Variants in TTC6 observed in about 807,000 individuals in gnomAD.
TTC6 encodes tetratricopeptide repeat domain 6, also known as tetratricopeptide repeat protein 6.
A neutral mutation model predicts 210.4 loss-of-function variants in TTC6; 172 were observed. That is an observed-to-expected ratio of 0.82 (90% CI 0.72 to 0.93). The LOEUF (loss-of-function observed/expected upper bound fraction) is 0.93. Ranked by LOEUF, TTC6 falls within the 40% of genes least tolerant of loss-of-function variation. TTC6 has a pLI of 0.00. For synonymous variants in TTC6, 804 were observed against 819.6 expected, an observed-to-expected ratio of 0.98 and a Z score of 0.32; for missense variants, 2,414 against 2,318.1, an observed-to-expected ratio of 1.04 and a Z score of -0.85.
intron 29 of TTC6, among the ~76,000 whole-genome samples, chr14:37,831,743 A>T (rs1409189158): frequency 1.2e-5 from 1 of 84,374 alleles, no homozygotes; most frequent in Non-Finnish European, 2.5e-5. Flanking sequence ...GCCGTCTGTT[A>T]TGTCTTTTCA....
At chr14:37,675,501 T>C (rs2095767147) in intron 1 of TTC6, among the ~76,000 whole-genome samples, 1 of 152,146 alleles carries the variant, frequency 6.6e-6, no homozygotes, top group Non-Finnish European at 1.5e-5. Context: ...TTGTTTCTAC[T>C]TTTTGTCTAT....
chr14:37,620,264 C>A (rs945115530), upstream of TTC6, among the ~76,000 whole-genome samples: 1 of 152,038 alleles, frequency 6.6e-6, no homozygotes, highest in Non-Finnish European at 1.5e-5. Context: ...TATTAGAGTT[C>A]TAGTGTCTGT....
At chr14:37,729,576 G>T (rs74045692) in intron 7 of TTC6, among the ~76,000 whole-genome samples, 2,094 of 152,248 alleles carry the variant, frequency 0.014, 64 homozygotes, top group African/African-American at 0.048. Flanking sequence ...TTGGCTCAGG[G>T]ACTTTTCATC....
chr14:37,682,379 A>G (rs2095785798), intron 2 of TTC6, among the ~76,000 whole-genome samples: 1 of 152,110 alleles, frequency 6.6e-6, no homozygotes, highest in Non-Finnish European at 1.5e-5. Flanking sequence ...TGATATGGAA[A>G]AAAAAAAGAA....
chr14:37,628,833 A>G (rs1030093954), intron 1 of TTC6, among the ~76,000 whole-genome samples: 2 of 152,224 alleles, frequency 1.3e-5, no homozygotes, highest in African/African-American at 4.8e-5. Context: ...ATGGCTAGCC[A>G]GTTTTCCCAA....
chr14:37,629,165 G>A (rs781654754), intron 1 of TTC6, among the ~76,000 whole-genome samples: 1 of 152,034 alleles, frequency 6.6e-6, no homozygotes, highest in South Asian at 2.1e-4. Context: ...AGCTTGATGG[G>A]GATAGCATTG....
chr14:37,827,581 ATTTT>A lies in TTC6; in HGVS notation c.5298+219_5298+222del, dbSNP rs763183146. Among the ~76,000 whole-genome samples, 118 of 152,034 alleles carry A rather than the reference ATTTT, an allele frequency of 7.8e-4. 1 individual carries two copies. Among genetic ancestry groups the A allele is most frequent in the Non-Finnish European group, 1.2e-3 (80 of 67,942 alleles). On this transcript the variant is annotated intron_variant, in intron 29 of 30. Coordinates refer to ENST00000553443, the Ensembl canonical transcript of TTC6. ...ATTCTCCTCATTAACACTTGTAAAC[ATTTT>A]TTTCTTTCATATTTTATCATAATAA...
chr14:37,647,046 A>G (rs1273095016), intron 1 of TTC6, among the ~76,000 whole-genome samples: 1 of 152,204 alleles, frequency 6.6e-6, no homozygotes, highest in Admixed American at 6.6e-5. Context: ...CTAAATGCCA[A>G]TAGCACTTTC....
At chr14:37,732,000 A>G (rs1566917130) in intron 7 of TTC6, among the ~76,000 whole-genome samples, 1 of 151,938 alleles carries the variant, frequency 6.6e-6, no homozygotes, top group South Asian at 2.1e-4. Context: ...TATATAATTG[A>G]TCCTTGAACA....
chr14:37,821,760 C>A (rs1230501645), intron 26 of TTC6, among the ~76,000 whole-genome samples: 1 of 146,890 alleles, frequency 6.8e-6, no homozygotes. Flanking sequence ...AATGTCTCAG[C>A]TAAGAGCTAG....
At chr14:37,641,894 T>C (rs1196522845) in intron 1 of TTC6, among the ~76,000 whole-genome samples, 1 of 152,244 alleles carries the variant, frequency 6.6e-6, no homozygotes, top group Non-Finnish European at 1.5e-5. Context: ...AAAGTGACTT[T>C]TGCAAGGCCA....
chr14:37,639,731 A>C (rs911609334), intron 1 of TTC6, among the ~76,000 whole-genome samples: 18 of 150,094 alleles, frequency 1.2e-4, no homozygotes, highest in Admixed American at 1.2e-3. Context: ...AAAAAAAAAA[A>C]AAAAATTAGC....
chr14:37,618,294 A>G (rs1369756920), upstream of TTC6, among the ~76,000 whole-genome samples: 3 of 152,218 alleles, frequency 2.0e-5, no homozygotes, highest in Non-Finnish European at 4.4e-5. Context: ...GAGAGAGAAG[A>G]AAAGGCTGGC....
At chr14:37,663,375 A>C (rs1365537864) in intron 1 of TTC6, among the ~76,000 whole-genome samples, 1 of 152,168 alleles carries the variant, frequency 6.6e-6, no homozygotes, top group Non-Finnish European at 1.5e-5. Flanking sequence ...TACAAAATTA[A>C]ATGACTGTGG....
chr14:37,641,991 T>A (rs145214794), intron 1 of TTC6, among the ~76,000 whole-genome samples: 6 of 152,384 alleles, frequency 3.9e-5, no homozygotes, highest in Non-Finnish European at 7.3e-5. Flanking sequence ...TTGCATCAGA[T>A]GTATTACATA....
intron 12 of TTC6, among the ~76,000 whole-genome samples, chr14:37,750,822 C>T (rs2095949555): frequency 6.6e-6 from 1 of 151,834 alleles, no homozygotes; most frequent in Non-Finnish European, 1.5e-5. Context: ...CCCTGGAGGT[C>T]GAGGCTGCAG....
intron 2 of TTC6, among the ~76,000 whole-genome samples, chr14:37,681,145 A>C (rs1222302061): frequency 6.6e-6 from 1 of 152,132 alleles, no homozygotes; most frequent in African/African-American, 2.4e-5. Flanking sequence ...TGGATATATC[A>C]ATTAGGAAGG....
At chr14:37,619,792 AT>A (rs201524114), upstream of TTC6, among the ~76,000 whole-genome samples, 61 of 145,760 alleles carry the variant, frequency 4.2e-4, no homozygotes, top group Admixed American at 6.2e-4. Context: ...TATGTTTTCC[AT>A]TTTTTTTTTT....
At chr14:37,678,872 G>T (rs1168704237) in intron 1 of TTC6, among the ~76,000 whole-genome samples, 1 of 152,116 alleles carries the variant, frequency 6.6e-6, no homozygotes, top group Non-Finnish European at 1.5e-5. Context: ...TACAATGGGA[G>T]TTTGAATCTT....
Sources: gnomAD v4.1 joint callset for allele counts (sites outside exome capture counted in the v4.1 genomes callset) on GRCh38, gnomAD v4.1.1 for gene constraint, MANE v1.5 for transcripts, NCBI Gene and HGNC (gene_info 2026-07-23, HGNC 2026-07-21) for gene names.